NEGR1: variants seen among roughly 807,000 people sequenced by gnomAD.
NEGR1 encodes IgLON family member 4.
Under a neutral mutation model 40.9 loss-of-function variants are expected in NEGR1, and 10 were observed. The ratio of observed to expected loss-of-function variants is 0.24; its 90% CI spans 0.15 to 0.42. The LOEUF (loss-of-function observed/expected upper bound fraction) is 0.42. Ranked by LOEUF, NEGR1 falls within the 10% of genes least tolerant of loss-of-function variation. NEGR1 has a pLI of 1.00. For synonymous variants in NEGR1, 185 were observed against 166.8 expected, an observed-to-expected ratio of 1.11 and a Z score of -0.84; for missense variants, 352 against 438.9, an observed-to-expected ratio of 0.80 and a Z score of 1.77.
intron 6 of NEGR1, among the ~76,000 whole-genome samples, chr1:71,423,980 G>A (rs1273676011): frequency 6.6e-6 from 1 of 151,634 alleles, no homozygotes; most frequent in Non-Finnish European, 1.5e-5. Flanking sequence ...GTGAATGTTG[G>A]AGGAGATAAT....
intron 1 of NEGR1, among the ~76,000 whole-genome samples, chr1:72,188,007 T>G (rs1652672950): frequency 1.3e-5 from 2 of 151,430 alleles, no homozygotes; most frequent in Admixed American, 1.3e-4. Flanking sequence ...AAGGAAGAGT[T>G]TAATACTCTC....
chr1:72,180,237 A>G (rs1306783310), intron 1 of NEGR1, among the ~76,000 whole-genome samples: 1 of 152,080 alleles, frequency 6.6e-6, no homozygotes, highest in Non-Finnish European at 1.5e-5. Context: ...TAGATAGTTA[A>G]CTAATTATTG....
intron 3 of NEGR1, among the ~76,000 whole-genome samples, chr1:71,739,442 T>G (rs1228565940): frequency 6.6e-6 from 1 of 151,730 alleles, no homozygotes; most frequent in Non-Finnish European, 1.5e-5. Flanking sequence ...TACAACAGTC[T>G]TACTAGTTCT....
intron 4 of NEGR1, among the ~76,000 whole-genome samples, chr1:71,674,850 C>T (rs914956118): frequency 4.0e-5 from 6 of 151,414 alleles, no homozygotes; most frequent in Non-Finnish European, 8.8e-5. Context: ...TACTTTTTTT[C>T]TTTCATAGCA....
chr1:71,598,526 G>A (rs762600899), intron 5 of NEGR1, among the ~76,000 whole-genome samples: 7 of 152,184 alleles, frequency 4.6e-5, no homozygotes, highest in Non-Finnish European at 8.8e-5. Flanking sequence ...CAGGCTTCTT[G>A]TAGCCTGAGA....
In NEGR1 at chr1:71,406,706, T is replaced by C. The variant is rs989772807; in HGVS notation, c.*740A>G. 1 of 152,516 alleles carries C rather than the reference T, an allele frequency of 6.6e-6. No homozygotes were observed. The highest frequency in any genetic ancestry group is 2.4e-5 in the African/African-American group (1 of 41,448). 9.4% of individuals were successfully genotyped at this position (152,516 alleles called of 1,614,324 possible). On this transcript the variant is annotated 3_prime_UTR_variant, in exon 7 of 7. Coordinates refer to ENST00000357731, the MANE Select transcript of NEGR1 (RefSeq NM_173808.3). ...GAGATTTTTACAGTCCAATAGCTCC[T>C]TCGTTACTTAGAGATAGTGTATGGT...
intron 1 of NEGR1, among the ~76,000 whole-genome samples, chr1:72,032,845 C>A (rs994063821): frequency 6.6e-5 from 10 of 151,976 alleles, no homozygotes; most frequent in African/African-American, 2.4e-4. Context: ...TACTTTGAGA[C>A]CCAGTTTCCT....
intron 1 of NEGR1, among the ~76,000 whole-genome samples, chr1:72,044,236 T>C (rs923623773): frequency 6.6e-6 from 1 of 150,476 alleles, no homozygotes; most frequent in Non-Finnish European, 1.5e-5. Flanking sequence ...AGTAATTTGA[T>C]AAAGTTGAGA....
At chr1:72,016,093 T>A (rs1646707405) in intron 1 of NEGR1, among the ~76,000 whole-genome samples, 1 of 152,184 alleles carries the variant, frequency 6.6e-6, no homozygotes, top group Non-Finnish European at 1.5e-5. Flanking sequence ...AACACCCTTT[T>A]TAACTTAATT....
intron 1 of NEGR1, among the ~76,000 whole-genome samples, chr1:72,116,520 A>T (rs1235790554): frequency 1.3e-5 from 2 of 151,730 alleles, no homozygotes; most frequent in Non-Finnish European, 3.0e-5. Context: ...CTATCTATAG[A>T]AGATAATCAA....
chr1:71,822,836 G>C lies in NEGR1; in HGVS notation c.410-46539C>G, dbSNP rs547558902. Reference sequence around the variant, plus strand: ...TTACAGCCAAAGAGGTACATGAATGGACTTATGACTACAGGACCCACTAGT... The same window carrying C: ...TTACAGCCAAAGAGGTACATGAATGCACTTATGACTACAGGACCCACTAGT... On this transcript the variant is annotated intron_variant, in intron 2 of 6. Coordinates refer to ENST00000357731, the MANE Select transcript of NEGR1 (RefSeq NM_173808.3). Among the ~76,000 whole-genome samples the C allele has an allele frequency of 5.0e-4, 76 of 152,084 alleles. 1 individual carries two copies. Among genetic ancestry groups the C allele is most frequent in the Admixed American group, 3.5e-3 (53 of 15,264 alleles).
At chr1:72,062,806 C>T (rs1298230656) in intron 1 of NEGR1, among the ~76,000 whole-genome samples, 1 of 151,880 alleles carries the variant, frequency 6.6e-6, no homozygotes, top group Non-Finnish European at 1.5e-5. Flanking sequence ...GTGGGTGTTT[C>T]CCAAGATAGC....
intron 1 of NEGR1, among the ~76,000 whole-genome samples, chr1:72,278,790 G>T (rs940689523): frequency 4.6e-5 from 7 of 151,834 alleles, no homozygotes; most frequent in African/African-American, 1.5e-4. Context: ...GTTCTGTTAA[G>T]AATAAAATAC....
At chr1:71,568,260 G>A (rs1056481753) in intron 6 of NEGR1, among the ~76,000 whole-genome samples, 3 of 152,102 alleles carry the variant, frequency 2.0e-5, no homozygotes, top group South Asian at 2.1e-4. Flanking sequence ...TGGGGGATAC[G>A]CATTCCATAT....
At chr1:71,905,557 T>C (rs1570485352) in intron 2 of NEGR1, among the ~76,000 whole-genome samples, 1 of 152,106 alleles carries the variant, frequency 6.6e-6, no homozygotes, top group African/African-American at 2.4e-5. Flanking sequence ...GATTATTCAG[T>C]GAAGTTAGGC....
intron 6 of NEGR1, among the ~76,000 whole-genome samples, chr1:71,503,896 G>T (rs939701233): frequency 4.0e-5 from 6 of 151,296 alleles, no homozygotes; most frequent in Non-Finnish European, 5.9e-5. Flanking sequence ...AAGAAGTCTC[G>T]CCAGCTGAAC....
chr1:72,090,050 T>A (rs1648402105), intron 1 of NEGR1, among the ~76,000 whole-genome samples: 1 of 152,032 alleles, frequency 6.6e-6, no homozygotes, highest in Non-Finnish European at 1.5e-5. Context: ...GTCAAAAAAA[T>A]TAGATAAAAA....
intron 1 of NEGR1, among the ~76,000 whole-genome samples, chr1:72,240,351 C>A (rs886772408): frequency 6.6e-6 from 1 of 151,738 alleles, no homozygotes; most frequent in African/African-American, 2.4e-5. Context: ...ATAGCTAACA[C>A]CTTAGACATC....
At chr1:71,546,954 C>T (rs1000405519) in intron 6 of NEGR1, among the ~76,000 whole-genome samples, 4 of 151,520 alleles carry the variant, frequency 2.6e-5, no homozygotes, top group African/African-American at 4.8e-5. Context: ...TCAATCAGGC[C>T]GCAAATTTAG....
Sources: allele counts gnomAD v4.1 joint callset (sites outside exome capture counted in the v4.1 genomes callset), GRCh38; gene constraint gnomAD v4.1.1; transcripts MANE v1.5; gene names NCBI Gene and HGNC (gene_info 2026-07-23, HGNC 2026-07-21).